Variants in ZNF568 observed in about 807,000 individuals in gnomAD.
ZNF568 encodes p53 inhibitor of SCO2 activation.
A neutral mutation model predicts 18.1 loss-of-function variants in ZNF568; 11 were observed. The ratio of observed to expected loss-of-function variants is 0.61; its 90% confidence interval spans 0.38 to 1.00. ZNF568 has a LOEUF of 1.00. Ranked by LOEUF, ZNF568 falls within the 50% of genes least tolerant of loss-of-function variation. The pLI, the probability that ZNF568 is intolerant of heterozygous loss-of-function variation, is 0.01. For missense variants in ZNF568, 639 were observed against 768.2 expected, an observed-to-expected ratio of 0.83 and a Z score of 1.99; for synonymous variants, 213 against 246.6, an observed-to-expected ratio of 0.86 and a Z score of 1.28.
chr19:36,943,899 T>A (rs1014040808), intron 6 of ZNF568, among the ~76,000 whole-genome samples: 9 of 152,004 alleles, frequency 5.9e-5, no homozygotes, highest in South Asian at 2.1e-4. Flanking sequence ...AATTGTCTCA[T>A]CTTGAGCAAG....
chr19:36,981,317 T>C (rs970807377), downstream of ZNF568, among the ~76,000 whole-genome samples: 1 of 152,184 alleles, frequency 6.6e-6, no homozygotes, highest in Non-Finnish European at 1.5e-5. Context: ...GGTTTTGGCT[T>C]CATATACATT....
chr19:36,991,342 C>T (rs912394818), intron 3 of ZNF568: 60 of 1,485,422 alleles, frequency 4.0e-5, no homozygotes, highest in Non-Finnish European at 5.3e-5. Flanking sequence ...CCCCGCCAAA[C>T]ACACAATTGG....
chr19:36,962,816 C>A (rs1227544162), intron 6 of ZNF568, among the ~76,000 whole-genome samples: 1 of 152,004 alleles, frequency 6.6e-6, no homozygotes, highest in African/African-American at 2.4e-5. Flanking sequence ...TTTCTTTTGA[C>A]CTATAAGGTT....
chr19:36,940,362 C>G (rs1462245367), intron 6 of ZNF568, among the ~76,000 whole-genome samples: 1 of 152,122 alleles, frequency 6.6e-6, no homozygotes, highest in East Asian at 1.9e-4. Flanking sequence ...TGGTCTTGCC[C>G]ATCTCTCAAC....
In ZNF568 at chr19:36,951,175, A is replaced by T. The variant is rs2074054812; in HGVS notation, c.*87A>T. The T allele has an allele frequency of 2.3e-6, 3 of 1,332,412 alleles. No homozygotes were observed. The highest frequency in any genetic ancestry group is 3.5e-5 in the South Asian group (2 of 57,584). 82.5% of individuals were successfully genotyped at this position (1,332,412 alleles called of 1,614,324 possible). A position where few individuals can be genotyped will look rare whatever the true frequency, so the allele number is the denominator to read the frequency against. On this transcript the variant is annotated 3_prime_UTR_variant, in exon 7 of 7. Coordinates refer to ENST00000333987, the MANE Select transcript of ZNF568 (RefSeq NM_198539.4). The stretch of plus-strand genomic sequence containing the variant: ...AAAAAGCCAGGATCTTTATGGAAAA[A>T]TTTTAATACTTTGTTAAAAGGTGTA...
intron 6 of ZNF568, among the ~76,000 whole-genome samples, chr19:36,941,900 G>A (rs965139979): frequency 6.6e-6 from 1 of 151,526 alleles, no homozygotes; most frequent in Non-Finnish European, 1.5e-5. Flanking sequence ...ACCTCCTTTA[G>A]TCAATTATTT....
intron 6 of ZNF568, among the ~76,000 whole-genome samples, chr19:36,946,832 A>T (rs2073974951): frequency 6.6e-6 from 1 of 150,540 alleles, no homozygotes; most frequent in African/African-American, 2.4e-5. Context: ...TTGTATTTTT[A>T]GTAGAGATGG....
At chr19:36,956,001 G>A (rs1353021650), downstream of ZNF568, among the ~76,000 whole-genome samples, 2 of 152,180 alleles carry the variant, frequency 1.3e-5, no homozygotes, top group African/African-American at 4.8e-5. Context: ...CAGGCTTTGA[G>A]ATGAGGATTC....
downstream of ZNF568, chr19:36,997,694 T>TG: frequency 7.3e-6 from 7 of 952,416 alleles, no homozygotes; most frequent in Non-Finnish European, 1.1e-5. Flanking sequence ...CATCAAAGAA[T>TG]TCATTCAGGA....
downstream of ZNF568, among the ~76,000 whole-genome samples, chr19:36,955,652 T>C (rs2074102441): frequency 1.3e-5 from 2 of 152,068 alleles, no homozygotes; most frequent in South Asian, 4.1e-4. Flanking sequence ...GCCTAGAGAG[T>C]TTCCATTCTA....
intron 4 of ZNF568, among the ~76,000 whole-genome samples, chr19:36,927,856 GTGTGTATA>G (rs1270950125): frequency 3.2e-5 from 1 of 31,268 alleles, no homozygotes; most frequent in Non-Finnish European, 5.6e-5. Flanking sequence ...GTGTGTGTGT[GTGTGTATA>G]TATATATATA....
chr19:36,947,185 T>C (rs1210823454), intron 6 of ZNF568, among the ~76,000 whole-genome samples: 1 of 151,948 alleles, frequency 6.6e-6, no homozygotes, highest in East Asian at 1.9e-4. Context: ...CCAGCTAATT[T>C]TTGTATTTTT....
At chr19:36,992,393 T>C (rs2074433481) in intron 4 of ZNF568, among the ~76,000 whole-genome samples, 1 of 152,070 alleles carries the variant, frequency 6.6e-6, no homozygotes, top group Non-Finnish European at 1.5e-5. Context: ...TCCCAGCTAC[T>C]TGGGAGGCTG....
At chr19:36,960,132 T>TTTC (rs2074137039) in intron 6 of ZNF568, among the ~76,000 whole-genome samples, 1 of 145,318 alleles carries the variant, frequency 6.9e-6, no homozygotes, top group Non-Finnish European at 1.5e-5. Context: ...TTTTTTTTTT[T>TTTC]GAGACAGAGT....
chr19:36,950,714 G>A lies in ZNF568; in HGVS notation c.1561G>A (p.Glu521Lys). The A allele has an allele frequency of 1.2e-6, 2 of 1,613,712 alleles. No individual in the cohort carries two copies. The change falls in exon 7 of 7, where the codon GAG (glutamate) becomes AAG (lysine). Residue 521 changes from glutamate (E) to lysine (K), a missense_variant. Glu to Lys is a moderately conservative substitution (Grantham distance 56). Coordinates refer to ENST00000333987, the MANE Select transcript of ZNF568 (RefSeq NM_198539.4). ...FSQKSNLTEH[E>K]KIHTGEKPYH... ...TCAGAAATCAAACCTCACTGAACAT[G>A]AGAAAATTCATACTGGAGAGAAACC... is the stretch of plus-strand genomic sequence containing the variant.
At chr19:36,943,727 C>CCA (rs904115894) in intron 6 of ZNF568, among the ~76,000 whole-genome samples, 1 of 152,016 alleles carries the variant, frequency 6.6e-6, no homozygotes, top group African/African-American at 2.4e-5. Flanking sequence ...GTGTGCGCCA[C>CCA]CACACCTGTA....
At chr19:36,970,156 G>A (rs1600840362) in intron 6 of ZNF568, among the ~76,000 whole-genome samples, 1 of 124,882 alleles carries the variant, frequency 8.0e-6, no homozygotes, top group Admixed American at 8.2e-5. Flanking sequence ...GGATTTGAAC[G>A]TCTTGGGGCA....
At chr19:36,974,247 C>G (rs73930902) in intron 6 of ZNF568, among the ~76,000 whole-genome samples, 35 of 152,254 alleles carry the variant, frequency 2.3e-4, no homozygotes, top group African/African-American at 8.2e-4. Flanking sequence ...GGACTTCTCT[C>G]TGGGCTCCTA....
At chr19:36,945,207 AGAAGTGTGT>A (rs754014626) in intron 6 of ZNF568, among the ~76,000 whole-genome samples, 70 of 130,044 alleles carry the variant, frequency 5.4e-4, no homozygotes, top group Non-Finnish European at 9.8e-4. Context: ...AGACAGAGAG[AGAAGTGTGT>A]GTGTGTGTGT....
Sources: allele counts gnomAD v4.1 joint callset (sites outside exome capture counted in the v4.1 genomes callset), GRCh38; gene constraint gnomAD v4.1.1; transcripts MANE v1.5; gene names NCBI Gene and HGNC (gene_info 2026-07-23, HGNC 2026-07-21).